Variants in MYO5A observed in about 807,000 individuals in gnomAD.
MYO5A encodes the protein unconventional myosin-Va.
MYO5A carries 98 observed loss-of-function variants against 249.7 expected under a neutral mutation model. The ratio of observed to expected loss-of-function variants is 0.39; its 90% confidence interval spans 0.33 to 0.46. The LOEUF is 0.46. MYO5A is among the 20% of genes least tolerant of loss of function. The pLI, the probability that MYO5A is intolerant of heterozygous loss-of-function variation, is 0.98. For missense variants in MYO5A, 1,696 were observed against 2,308.8 expected (o/e 0.73, Z 5.44); for synonymous variants, 778 against 810.6 (o/e 0.96, Z 0.68).
At chr15:52,435,993 T>C (rs1466475501) in intron 1 of MYO5A, among the ~76,000 whole-genome samples, 1 of 152,124 alleles carries the variant, frequency 6.6e-6, no homozygotes, top group African/African-American at 2.4e-5. Context: ...TCTCGGCTCA[T>C]TGCAGCCTCC....
intron 1 of MYO5A, among the ~76,000 whole-genome samples, chr15:52,463,416 TATAAAACTA>T (rs1567150498): frequency 1.3e-5 from 2 of 152,214 alleles, no homozygotes; most frequent in Non-Finnish European, 2.9e-5. Flanking sequence ...TCTTAAGACA[TATAAAACTA>T]AAATGTTTAA....
chr15:52,388,641 T>C (rs1197203922), intron 13 of MYO5A, among the ~76,000 whole-genome samples: 1 of 152,174 alleles, frequency 6.6e-6, no homozygotes, highest in African/African-American at 2.4e-5. Context: ...CTCTCATTGC[T>C]TGTGATTTTC....
At chr15:52,360,132 C>T in intron 24 of MYO5A, 51 bp from the exon 25 acceptor site, 1 of 1,264,106 alleles carries the variant, frequency 7.9e-7, no homozygotes. Flanking sequence ...TTAGTCTAGG[C>T]ATAGTTAAGA....
intron 21 of MYO5A, among the ~76,000 whole-genome samples, chr15:52,371,359 T>C (rs550534091): frequency 5.9e-5 from 9 of 152,326 alleles, no homozygotes; most frequent in African/African-American, 1.7e-4. Flanking sequence ...CTGCAACAGA[T>C]TGCAAGTTCA....
At chr15:52,340,168 A>G in intron 32 of MYO5A, 28 bp downstream of exon 32, 1 of 1,613,178 alleles carries the variant, frequency 6.2e-7, no homozygotes, top group Non-Finnish European at 8.5e-7. Context: ...TAGGTTAAGA[A>G]GCATGTGGAC....
intron 1 of MYO5A, among the ~76,000 whole-genome samples, chr15:52,472,304 C>T (rs1357246818): frequency 6.6e-6 from 1 of 152,124 alleles, no homozygotes; most frequent in African/African-American, 2.4e-5. Flanking sequence ...TGGTCTCGAT[C>T]GCCTGACCTC....
chr15:52,372,181 C>A lies in MYO5A; in HGVS notation c.2760G>T (p.Lys920Asn). Residue 920 changes from lysine to asparagine, a missense_variant, in exon 21 of 42, where the codon AAG (lysine) becomes AAT (asparagine). This residue lies in a region of MYO5A where 412 missense variants were observed against 453.3 expected (regional missense o/e 0.91). Transcript: ENST00000399233. ...TCTTGTTCTCCATGCCGATGTGCAGCTTCTTATAGCGCTCCACTGAGCGAG... is the reference window on the plus strand; with the variant it reads ...TCTTGTTCTCCATGCCGATGTGCAGATTCTTATAGCGCTCCACTGAGCGAG... ...IEARSVERYK[K>N]LHIGMENKIM... 6.2e-7 allele frequency: 1 copy of A among 1,613,678 alleles called. No individual in the cohort carries two copies. Among genetic ancestry groups the A allele is most frequent in the Non-Finnish European group, 8.5e-7 (1 of 1,180,018 alleles).
rs146478762 is a variant in MYO5A, at chr15:52,431,127, G to C, written c.138+2048C>G. Among the ~76,000 whole-genome samples, 1,109 of 144,882 alleles carry C rather than the reference G, an allele frequency of 7.7e-3. 16 individuals are homozygous for C. Among genetic ancestry groups the C allele is most frequent in the African/African-American group, 0.027 (1,068 of 39,512 alleles). ...TGCGCCTGTAATCCCAGCTACTCAGGAAGCTGAGGCACAAGAATCATTTGA... is the reference window on the plus strand; with the variant it reads ...TGCGCCTGTAATCCCAGCTACTCAGCAAGCTGAGGCACAAGAATCATTTGA... On this transcript the variant is annotated intron_variant, in intron 2 of 41. Coordinates refer to ENST00000399233, the MANE Select transcript of MYO5A (RefSeq NM_001382347.1).
At chr15:52,480,305 T>C (rs550876744) in intron 1 of MYO5A, among the ~76,000 whole-genome samples, 1 of 152,364 alleles carries the variant, frequency 6.6e-6, no homozygotes, top group East Asian at 1.9e-4. Flanking sequence ...CAATTTGATC[T>C]ATTTACAGTC....
chr15:52,350,015 C>T (rs2039862846), intron 28 of MYO5A, among the ~76,000 whole-genome samples: 1 of 152,238 alleles, frequency 6.6e-6, no homozygotes, highest in Non-Finnish European at 1.5e-5. Context: ...TCACTGCAAG[C>T]TCCGCCTCCC....
rs983846430 is a variant in MYO5A at position 52,502,417 on chromosome 15, T to C, written c.27+26363A>G. On this transcript the variant is annotated intron_variant, in intron 1 of 41. Transcript: ENST00000399233. ...CAGAGAGTAGAGACAAAATATAAAA[T>C]AAAGCTCGTAATTATTCTGTATCAT... Among the ~76,000 whole-genome samples, 3 of 152,176 alleles carry C rather than the reference T, an allele frequency of 2.0e-5. No individual in the cohort carries two copies. The South Asian group carries it at 6.2e-4, about 31-fold the overall frequency.
chr15:52,497,000 C>T (rs1054751248), intron 1 of MYO5A, among the ~76,000 whole-genome samples: 2 of 152,122 alleles, frequency 1.3e-5, no homozygotes, highest in Non-Finnish European at 2.9e-5. Flanking sequence ...CTTGCTCTGT[C>T]ACCCAGGCTG....
intron 31 of MYO5A, 69 bp from the exon 32 acceptor site, chr15:52,340,463 A>T: frequency 7.3e-7 from 1 of 1,369,332 alleles, no homozygotes; most frequent in Non-Finnish European, 1.0e-6. Flanking sequence ...GGTGTAAGGC[A>T]TCGTGTTCAC....
intron 4 of MYO5A, among the ~76,000 whole-genome samples, chr15:52,420,430 C>T (rs1483083254): frequency 2.0e-5 from 3 of 151,972 alleles, no homozygotes; most frequent in Non-Finnish European, 4.4e-5. Flanking sequence ...ATGAGCTTGG[C>T]CCCCTTCCTG....
At chr15:52,318,453 T>C (rs1049763533) in intron 39 of MYO5A, among the ~76,000 whole-genome samples, 3 of 50,186 alleles carry the variant, frequency 6.0e-5, no homozygotes, top group Admixed American at 5.7e-4. Context: ...CAAAACTCCA[T>C]CTCAAAAAAA....
At position 52,379,916 on chromosome 15, in the gene MYO5A, T is replaced by C. The variant is rs754176712; in HGVS notation, c.2013-8A>G. On this transcript the variant is annotated splice_region_variant and splice_polypyrimidine_tract_variant and intron_variant, in intron 16 of 41. Transcript: ENST00000399233. The stretch of plus-strand genomic sequence containing the variant: ...GCCCTCTTCTCATCAAACCTACAAA[T>C]AAAAATCAAAGCTGTTAGTCCACAA... 6.2e-7 allele frequency: 1 copy of C among 1,613,832 alleles called. No individual in the cohort carries two copies. The highest frequency in any genetic ancestry group is 8.5e-7 in the Non-Finnish European group (1 of 1,179,870).
chr15:52,389,626 A>C (rs761423882), intron 12 of MYO5A, among the ~76,000 whole-genome samples: 1 of 152,118 alleles, frequency 6.6e-6, no homozygotes, highest in African/African-American at 2.4e-5. Flanking sequence ...AAAATCATCA[A>C]ATAAATTTGT....
At chr15:52,360,249 C>T (rs573064860) in intron 24 of MYO5A, among the ~76,000 whole-genome samples, 168 bp from the exon 25 acceptor site, 1 of 152,160 alleles carries the variant, frequency 6.6e-6, no homozygotes, top group Non-Finnish European at 1.5e-5. Flanking sequence ...AAGGTCACCG[C>T]TTCAAAGAAA....
In MYO5A at chr15:52,330,585, T is replaced by G. The variant is rs7182148; in HGVS notation, c.4409-86A>C. ...CCAAGTTCCTATAATTTTGAATGCA[T>G]TCTACAACAACCGAAACTTGCCATA... On this transcript the variant is annotated intron_variant, in intron 34 of 41. Transcript: ENST00000399233. 33,134 of 1,489,824 alleles carry G rather than the reference T, an allele frequency of 0.022. 3,546 individuals are homozygous for G. The African/African-American group carries it at 0.3, about 13-fold the overall frequency. 92.3% of individuals were successfully genotyped at this position (1,489,824 alleles called of 1,614,324 possible).
Sources: allele counts gnomAD v4.1 joint callset (sites outside exome capture counted in the v4.1 genomes callset), GRCh38; gene constraint gnomAD v4.1.1; regional missense constraint gnomAD v4.1.1; transcripts MANE v1.5; gene names NCBI Gene and HGNC (gene_info 2026-07-23, HGNC 2026-07-21).